The following LAMB4 variants were observed in gnomAD, a reference collection of about 807,000 sequenced individuals.
LAMB4 encodes the protein laminin subunit beta-4.
Under a neutral mutation model 199.2 loss-of-function variants are expected in LAMB4, and 196 were observed. The observed-to-expected ratio is 0.98, with a 90% CI of 0.88 to 1.11. LAMB4 has a LOEUF of 1.11. Ranked by LOEUF, LAMB4 falls within the 50% of genes least tolerant of loss-of-function variation. The pLI is 0.00. For synonymous variants in LAMB4, 744 were observed against 770.6 expected, an observed-to-expected ratio of 0.97 and a Z score of 0.57; for missense variants, 2,080 against 2,171.2, an observed-to-expected ratio of 0.96 and a Z score of 0.83.
chr7:108,107,567 TAA>T, intron 6 of LAMB4, 62 bp downstream of exon 6: 1 of 1,307,258 alleles, frequency 7.6e-7, no homozygotes, highest in East Asian at 2.6e-5. Flanking sequence ...GTTTTTCATT[TAA>T]GTTAATTATA....
chr7:108,114,967 C>A (rs1293071791), intron 3 of LAMB4, among the ~76,000 whole-genome samples: 1 of 152,216 alleles, frequency 6.6e-6, no homozygotes, highest in African/African-American at 2.4e-5. Context: ...GACAGTATAA[C>A]TTCCAAGTAG....
At chr7:108,066,009 C>A (rs551308029) in intron 20 of LAMB4, 90 bp from the exon 21 acceptor site, 2 of 1,230,672 alleles carry the variant, frequency 1.6e-6, no homozygotes, top group African/African-American at 3.0e-5. Flanking sequence ...AAACAGTGCA[C>A]CTCTGAAAAC....
chr7:108,065,857 G>A lies in LAMB4; in HGVS notation c.2741C>T (p.Pro914Leu). Residue 914 changes from proline (P) to leucine (L), a missense_variant, in exon 21 of 34, where the codon CCA becomes CTA. Pro to Leu is a moderately conservative substitution (Grantham distance 98). Coordinates refer to ENST00000388781, the MANE Select transcript of LAMB4 (RefSeq NM_007356.3). ...SGQPCRPCLC[P>L]DDPSSNQYFA... ...ATACTGATTGCTTGAGGGATCATCT[G>A]GACACAGGCAAGGACGACAGGGCTG... 6.2e-7 allele frequency: 1 copy of A among 1,613,960 alleles called. No individual in the cohort carries two copies.
Position 108,055,907 on chromosome 7 carries a change from G to A in LAMB4, c.3480C>T (p.Arg1160=), listed in dbSNP as rs79876638. Reference sequence around the variant, plus strand: ...ATTCCTGGCTGTGTCCCCGGGCACAGCGATCACATCTCTGGCCGCTGACAC... The same window carrying A: ...ATTCCTGGCTGTGTCCCCGGGCACAACGATCACATCTCTGGCCGCTGACAC... ...REGVSGQRCD[R]CARGHSQEFP... Residue 1160 remains arginine (R), a synonymous_variant, in exon 25 of 34, where the codon CGC becomes CGT. Coordinates refer to ENST00000388781, the MANE Select transcript of LAMB4 (RefSeq NM_007356.3). The A allele has an allele frequency of 2.0e-3, 3,169 of 1,614,172 alleles. 51 individuals are homozygous for A. In the African/African-American group the frequency reaches 0.036, roughly 18 times the overall value.
At position 108,066,356 on chromosome 7, in the gene LAMB4, A is replaced by G. The variant is rs1323922241; in HGVS notation, c.2678+13T>C. 1 of 1,596,650 alleles carries G rather than the reference A, an allele frequency of 6.3e-7. No individual in the cohort carries two copies. Among genetic ancestry groups the G allele is most frequent in the African/African-American group, 1.3e-5 (1 of 74,644 alleles). On this transcript the variant is annotated intron_variant, in intron 20 of 33. Transcript: ENST00000388781. ...TAAAGACCTAAAAATTAAAGTGCAT[A>G]TGAATTCCATACCTTTCACAGTTTC...
chr7:108,068,009 T>G lies in LAMB4; in HGVS notation c.2446+7A>C. ...AAGTGTTTCCCCTTGTGTGTTTTGCTACGTACGGTGACAGCCGTGATGCCC... is the reference window on the plus strand; with the variant it reads ...AAGTGTTTCCCCTTGTGTGTTTTGCGACGTACGGTGACAGCCGTGATGCCC... On this transcript the variant is annotated splice_region_variant and intron_variant, in intron 19 of 33. Coordinates refer to ENST00000388781, the MANE Select transcript of LAMB4 (RefSeq NM_007356.3). 2 of 1,614,196 alleles carry G rather than the reference T, an allele frequency of 1.2e-6. No individual in the cohort carries two copies. The highest frequency in any genetic ancestry group is 1.7e-6 in the Non-Finnish European group (2 of 1,180,016).
chr7:108,092,217 G>T, intron 13 of LAMB4, 120 bp downstream of exon 13: 1 of 720,378 alleles, frequency 1.4e-6, no homozygotes, highest in Non-Finnish European at 2.4e-6. Context: ...TGTAGTTAAT[G>T]TCTCAAGATC....
intron 1 of LAMB4, among the ~76,000 whole-genome samples, chr7:108,126,057 G>A (rs1024219152): frequency 1.3e-5 from 2 of 152,150 alleles, no homozygotes; most frequent in African/African-American, 4.8e-5. Flanking sequence ...TTGATAATTG[G>A]TTAAGGATTA....
chr7:108,080,258 T>C (rs1037622769), intron 14 of LAMB4, among the ~76,000 whole-genome samples: 5 of 152,232 alleles, frequency 3.3e-5, no homozygotes, highest in Admixed American at 6.5e-5. Flanking sequence ...TCTTCTTCTA[T>C]CTGCTTGGGA....
intron 1 of LAMB4, among the ~76,000 whole-genome samples, chr7:108,127,189 G>GT (rs758228106): frequency 0.13 from 8,718 of 68,970 alleles, 549 homozygotes; most frequent in African/African-American, 0.18. Context: ...TTTTTTTTGT[G>GT]TTTTTTTTTT....
intron 1 of LAMB4, among the ~76,000 whole-genome samples, chr7:108,127,189 GTTT>G (rs758228106): frequency 0.067 from 4,653 of 69,056 alleles, 202 homozygotes; most frequent in African/African-American, 0.13. Flanking sequence ...TTTTTTTTGT[GTTT>G]TTTTTTTTTT....
intron 29 of LAMB4, among the ~76,000 whole-genome samples, chr7:108,043,543 A>ATTTTTTTTTTTT (rs1385299702): frequency 1.7e-5 from 1 of 59,712 alleles, no homozygotes; most frequent in Non-Finnish European, 2.7e-5. Context: ...ACTGGCTATG[A>ATTTTTTTTTTTT]TGTTTTTTTT....
At chr7:108,099,753 T>C (rs940539172) in intron 10 of LAMB4, among the ~76,000 whole-genome samples, 7 of 152,244 alleles carry the variant, frequency 4.6e-5, no homozygotes, top group Admixed American at 4.6e-4. Context: ...TCTAAAACCA[T>C]GTCTATATAA....
chr7:108,111,881 G>A lies in LAMB4; in HGVS notation c.258C>T (p.Ser86=). 1 of 1,612,110 alleles carries A rather than the reference G, an allele frequency of 6.2e-7. No individual in the cohort carries two copies. Among genetic ancestry groups the A allele is most frequent in the Non-Finnish European group, 8.5e-7 (1 of 1,178,794 alleles). The stretch of plus-strand genomic sequence containing the variant: ...TTACAATGACATTCTCAATGGTGTG[G>A]CTGTTGGGTTGGTCATACGGATCAT... ...FPYDPYDQPN[S]HTIENVIVSF... Residue 86 remains serine, a synonymous_variant, in exon 4 of 34, where the codon AGC becomes AGT. Transcript: ENST00000388781.
intron 14 of LAMB4, among the ~76,000 whole-genome samples, chr7:108,080,256 TA>T (rs1222894426): frequency 6.6e-6 from 1 of 152,232 alleles, no homozygotes; most frequent in African/African-American, 2.4e-5. Context: ...GCTCTTCTTC[TA>T]TCTGCTTGGG....
chr7:108,030,822 G>C lies in LAMB4; in HGVS notation c.4976C>G (p.Ala1659Gly). 1 of 1,614,056 alleles carries C rather than the reference G, an allele frequency of 6.2e-7. No individual in the cohort carries two copies. The highest frequency in any genetic ancestry group is 1.1e-5 in the South Asian group (1 of 91,060). ...KVQAESAQHQ[A>G]GSLEKEFVEL... Reference sequence around the variant, plus strand: ...ACTAATGACCTTCTCAAGACTCCCAGCCTGGTGTTGGGCAGATTCAGCCTG... The same window carrying C: ...ACTAATGACCTTCTCAAGACTCCCACCCTGGTGTTGGGCAGATTCAGCCTG... The change falls in exon 32 of 34, where the codon GCT becomes GGT. Residue 1659 changes from alanine to glycine, a missense_variant. By Grantham distance (60) the Ala-to-Gly change is moderately conservative. Coordinates refer to ENST00000388781, the MANE Select transcript of LAMB4 (RefSeq NM_007356.3).
At position 108,091,727 on chromosome 7, in the gene LAMB4, G is replaced by A. The variant is rs199598905; in HGVS notation, c.1600C>T (p.Arg534Cys). The A allele has an allele frequency of 2.0e-5, 32 of 1,614,156 alleles. No homozygotes were observed. The highest frequency in any genetic ancestry group is 6.7e-5 in the East Asian group (3 of 44,876). ...CCAGGGGCTGGTTCAGAGCAGCTACGGCCAGTGACATGTGGGCGGCATTCA... is the reference window on the plus strand; with the variant it reads ...CCAGGGGCTGGTTCAGAGCAGCTACAGCCAGTGACATGTGGGCGGCATTCA... Reference protein sequence around the residue: ...QCECRPHVTGRSCSEPAPGYF... With the variant: ...QCECRPHVTGCSCSEPAPGYF... Residue 534 changes from arginine (R) to cysteine (C), a missense_variant, in exon 14 of 34, where the codon CGT becomes TGT. Transcript: ENST00000388781.
intron 14 of LAMB4, among the ~76,000 whole-genome samples, chr7:108,081,071 G>A (rs539932023): frequency 4.3e-4 from 66 of 152,246 alleles, no homozygotes; most frequent in East Asian, 1.4e-3. Flanking sequence ...GCAGTGAGTC[G>A]AGATCGCGCC....
chr7:108,106,183 C>T (rs1369952614), intron 7 of LAMB4, 152 bp from the exon 8 acceptor site: 39 of 676,304 alleles, frequency 5.8e-5, no homozygotes, highest in Middle Eastern at 3.1e-4. Context: ...TTTGGGTGGC[C>T]GAGGCAGGAG....
Sources: allele counts gnomAD v4.1 joint callset (sites outside exome capture counted in the v4.1 genomes callset), GRCh38; gene constraint gnomAD v4.1.1; transcripts MANE v1.5; gene names NCBI Gene and HGNC (gene_info 2026-07-23, HGNC 2026-07-21).